Variants in SPATA13 observed in about 807,000 individuals in gnomAD.
The protein encoded by SPATA13 is spermatogenesis associated 13, also known as spermatogenesis-associated protein 13.
SPATA13 carries 50 observed loss-of-function variants against 104.0 expected under a neutral mutation model. The ratio of observed to expected loss-of-function variants is 0.48; its 90% confidence interval spans 0.38 to 0.61. The LOEUF (loss-of-function observed/expected upper bound fraction) is 0.61, where lower values mean the gene tolerates loss of function less well. Ranked by LOEUF, SPATA13 falls within the 20% of genes least tolerant of loss-of-function variation. The pLI, the probability that SPATA13 is intolerant of heterozygous loss-of-function variation, is 0.00. For missense variants in SPATA13, 1,524 were observed against 1,690.6 expected (o/e 0.90, Z 1.73); for synonymous variants, 606 against 667.5 (o/e 0.91, Z 1.42).
At chr13:24,062,615 T>C (rs919005105) in intron 3 of SPATA13, among the ~76,000 whole-genome samples, 3 of 152,142 alleles carry the variant, frequency 2.0e-5, no homozygotes, top group Non-Finnish European at 1.5e-5. Context: ...CGTTTTCTTA[T>C]AGAAGTCGGG....
intron 3 of SPATA13, among the ~76,000 whole-genome samples, chr13:24,026,326 A>G (rs1271620382): frequency 1.3e-5 from 2 of 152,158 alleles, no homozygotes; most frequent in Non-Finnish European, 2.9e-5. Flanking sequence ...TGTGTTCTTC[A>G]CATGAAGAGC....
At chr13:24,035,885 C>T (rs1877661295) in intron 3 of SPATA13, among the ~76,000 whole-genome samples, 1 of 151,946 alleles carries the variant, frequency 6.6e-6, no homozygotes, top group African/African-American at 2.4e-5. Flanking sequence ...GATCATGGCT[C>T]ACGCCTGTAG....
At chr13:24,102,916 T>G (rs1880304036) in intron 3 of SPATA13, among the ~76,000 whole-genome samples, 1 of 152,230 alleles carries the variant, frequency 6.6e-6, no homozygotes, top group South Asian at 2.1e-4. Flanking sequence ...CTTCTAGGAA[T>G]TTTAGTTTCA....
intron 4 of SPATA13, among the ~76,000 whole-genome samples, chr13:24,259,772 C>T (rs562475344): frequency 6.6e-6 from 1 of 152,140 alleles, no homozygotes; most frequent in African/African-American, 2.4e-5. Context: ...CAGGGTGCTC[C>T]GAAACCTTTC....
intron 2 of SPATA13, among the ~76,000 whole-genome samples, chr13:23,987,667 T>C (rs993646408): frequency 6.6e-6 from 1 of 152,218 alleles, no homozygotes; most frequent in African/African-American, 2.4e-5. Context: ...CATTTTTAAG[T>C]GTGCAGTTCA....
chr13:24,187,712 C>T (rs1163334568), intron 1 of SPATA13, among the ~76,000 whole-genome samples: 2 of 152,114 alleles, frequency 1.3e-5, no homozygotes, highest in African/African-American at 4.8e-5. Context: ...ATGAACTACA[C>T]CTATATAAGA....
chr13:24,258,820 T>G (rs1364604526), intron 4 of SPATA13, among the ~76,000 whole-genome samples: 1 of 152,254 alleles, frequency 6.6e-6, no homozygotes, highest in African/African-American at 2.4e-5. Context: ...AAAGAAATGC[T>G]GAGTTCTAAA....
rs543376008 is a variant in SPATA13, at chr13:24,011,103, A to G, written c.-146-6564A>G. Among the ~76,000 whole-genome samples the G allele has an allele frequency of 6.6e-4, 101 of 152,148 alleles. No individual in the cohort carries two copies. Among genetic ancestry groups the G allele is most frequent in the South Asian group, 1.7e-3 (8 of 4,810 alleles). Reference sequence around the variant, plus strand: ...GCAACCTTGGCTTTGGTTTCTCCCCAGGTCCTGACCACCTGGCCGTGGGCC... The same window carrying G: ...GCAACCTTGGCTTTGGTTTCTCCCCGGGTCCTGACCACCTGGCCGTGGGCC... On this transcript the variant is annotated intron_variant, in intron 2 of 14. Coordinates refer to the SPATA13 transcript ENST00000424834. This position sits in a 1 kb window ranked among gnomAD's most constrained non-coding sequence, Gnocchi z 4.3.
At chr13:24,046,602 A>C (rs1399667430) in intron 3 of SPATA13, among the ~76,000 whole-genome samples, 1 of 147,844 alleles carries the variant, frequency 6.8e-6, no homozygotes. Context: ...TTCATCCATG[A>C]TGTGTGGGTA....
rs10566756 is a variant in SPATA13, at chr13:24,014,879, ATTTTTTTTTTT to A, written c.-146-2769_-146-2759del. Among the ~76,000 whole-genome samples the A allele has an allele frequency of 1.5e-3, 118 of 78,696 alleles. 2 individuals carry two copies. In the Middle Eastern group the frequency reaches 0.027, roughly 18 times the overall value. The allele number at this position is 78,696 out of a possible 152,430, so 51.6% of individuals were successfully genotyped here. ...AGGTTCCCTTTTTGGCACTTTCTGG[ATTTTTTTTTTT>A]TTTTTTTTTTTTTTTTTTGAGACAG... On this transcript the variant is annotated intron_variant, in intron 2 of 14. Transcript: ENST00000424834.
intron 4 of SPATA13, among the ~76,000 whole-genome samples, chr13:24,262,300 G>GT (rs147138303): frequency 8.5e-5 from 12 of 141,646 alleles, no homozygotes; most frequent in Non-Finnish European, 1.4e-4. Context: ...TTAAAACAAA[G>GT]TTTTTTTTCT....
intron 3 of SPATA13, among the ~76,000 whole-genome samples, chr13:24,119,944 G>C (rs1429546976): frequency 6.6e-6 from 1 of 152,136 alleles, no homozygotes; most frequent in East Asian, 1.9e-4. Flanking sequence ...TTCCATGAGG[G>C]AGCAAATGCA....
intron 10 of SPATA13, 124 bp downstream of exon 10, chr13:24,294,992 A>G: frequency 3.1e-6 from 3 of 958,054 alleles, no homozygotes; most frequent in Non-Finnish European, 3.0e-6. Context: ...TGGTACATAT[A>G]CCATTAATGG....
chr13:24,103,089 T>A (rs1880309683), intron 3 of SPATA13, among the ~76,000 whole-genome samples: 1 of 152,172 alleles, frequency 6.6e-6, no homozygotes, highest in Non-Finnish European at 1.5e-5. Context: ...ATATGTTAAG[T>A]CATTCTTGGG....
At chr13:24,171,912 C>A (rs906577883) in intron 1 of SPATA13, among the ~76,000 whole-genome samples, 1 of 152,174 alleles carries the variant, frequency 6.6e-6, no homozygotes, top group African/African-American at 2.4e-5. Context: ...CCTCAAAATT[C>A]TTATTTATCA....
rs746756366 is a variant in SPATA13, at chr13:24,302,794, A to G, written c.*21A>G. 14 of 1,614,084 alleles carry G rather than the reference A, an allele frequency of 8.7e-6. No homozygotes were observed. The highest frequency in any genetic ancestry group is 2.2e-5 in the South Asian group (2 of 91,088). ...AATGAAAACAGGAGGCTGTGCTTCC[A>G]TGGAGCTGGGTGTCAAGAGAAGAAC... On this transcript the variant is annotated 3_prime_UTR_variant, in exon 13 of 13. Coordinates refer to ENST00000382108, the MANE Select transcript of SPATA13 (RefSeq NM_001166271.3).
chr13:24,000,047 T>A (rs2182221), intron 2 of SPATA13, among the ~76,000 whole-genome samples: 116,484 of 152,172 alleles, frequency 0.77, 44,746 homozygotes, highest in African/African-American at 0.8. Flanking sequence ...TTATCACCAA[T>A]ATGCATATTA....
chr13:24,129,265 A>T (rs1442013258), intron 3 of SPATA13, among the ~76,000 whole-genome samples: 2 of 152,224 alleles, frequency 1.3e-5, no homozygotes, highest in African/African-American at 4.8e-5. Flanking sequence ...TCAAAGTCTG[A>T]GTACAGCGTC....
At chr13:24,102,660 G>A (rs1029618988) in intron 3 of SPATA13, among the ~76,000 whole-genome samples, 1 of 151,992 alleles carries the variant, frequency 6.6e-6, no homozygotes, top group African/African-American at 2.4e-5. Context: ...TTTTAGTAGA[G>A]ATGGGGTTTC....
Sources: gnomAD v4.1 joint callset for allele counts (sites outside exome capture counted in the v4.1 genomes callset) on GRCh38, gnomAD v4.1.1 for gene constraint, Gnocchi (gnomAD v3.1) non-coding constraint, MANE v1.5 for transcripts, NCBI Gene and HGNC (gene_info 2026-07-23, HGNC 2026-07-21) for gene names.